Variants in AP2A2 observed in about 807,000 individuals in gnomAD.
The protein encoded by AP2A2 is adaptor related protein complex 2 subunit alpha 2, also known as AP-2 complex subunit alpha-2.
In AP2A2, 32 loss-of-function variants were observed where a neutral mutation model predicts 104.2. That is an observed-to-expected ratio of 0.31 (90% confidence interval 0.23 to 0.41). The LOEUF (loss-of-function observed/expected upper bound fraction) is 0.41, where lower values mean the gene tolerates loss of function less well. Ranked by LOEUF, AP2A2 falls within the 10% of genes least tolerant of loss-of-function variation. The pLI is 1.00. For missense variants in AP2A2, 912 were observed against 1,261.0 expected, an observed-to-expected ratio of 0.72 and a Z score of 4.19; for synonymous variants, 539 against 533.3, an observed-to-expected ratio of 1.01 and a Z score of -0.15.
intron 6 of AP2A2, among the ~76,000 whole-genome samples, chr11:983,368 TATTA>T (rs1447651521): frequency 4.3e-5 from 3 of 69,380 alleles, no homozygotes; most frequent in African/African-American, 1.7e-4. Context: ...AGTCTCTTTT[TATTA>T]TTTATTTATT....
chr11:972,424 G>GT (rs1170605092), intron 4 of AP2A2, among the ~76,000 whole-genome samples, 169 bp downstream of exon 4: 2 of 152,254 alleles, frequency 1.3e-5, no homozygotes, highest in African/African-American at 4.8e-5. Context: ...GCCGGGCACG[G>GT]TGGCTCACGC....
rs1027109047 is a variant in AP2A2, at chr11:974,274, G to A, written c.473+2019G>A. 4.7e-5 allele frequency among the ~76,000 whole-genome samples: 7 copies of A among 150,510 alleles called. No homozygotes were observed. The South Asian group carries it at 1.4e-3, about 31-fold the overall frequency. ...GGTGCCTGAGTGGTCCCATGGGGAT[G>A]AAGGTCACAGGCAGGGTTCTCCTAC... On this transcript the variant is annotated intron_variant, in intron 4 of 21. Transcript: ENST00000448903.
At chr11:989,319 G>A (rs540424453) in intron 10 of AP2A2, among the ~76,000 whole-genome samples, 1 of 151,798 alleles carries the variant, frequency 6.6e-6, no homozygotes, top group African/African-American at 2.4e-5. Flanking sequence ...AGCAACAAGA[G>A]CGAAACTCTG....
At chr11:1,007,853 A>G (rs1402687700) in intron 17 of AP2A2, 159 bp from the exon 18 acceptor site, 2 of 953,626 alleles carry the variant, frequency 2.1e-6, no homozygotes, top group Non-Finnish European at 3.2e-6. Context: ...TCTGGGTGGA[A>G]GGGCAGGGCC....
intron 1 of AP2A2, among the ~76,000 whole-genome samples, chr11:934,937 C>T (rs1853403405): frequency 6.6e-6 from 1 of 151,938 alleles, no homozygotes; most frequent in Admixed American, 6.6e-5. Context: ...TGGTTAACCG[C>T]AGCCTCTGTC....
intron 10 of AP2A2, among the ~76,000 whole-genome samples, chr11:991,783 G>A (rs1435097675): frequency 6.6e-6 from 1 of 151,962 alleles, no homozygotes; most frequent in African/African-American, 2.4e-5. Flanking sequence ...GTGGGGAGGG[G>A]CGGCAGGGTA....
intron 6 of AP2A2, among the ~76,000 whole-genome samples, chr11:983,514 C>G (rs1170389810): frequency 1.3e-5 from 2 of 152,080 alleles, no homozygotes; most frequent in East Asian, 1.9e-4. Flanking sequence ...TCTCGAGTAG[C>G]TGGGACTACA....
chr11:1,008,494 T>G, intron 18 of AP2A2: 1 of 233,914 alleles, frequency 4.3e-6, no homozygotes, highest in Non-Finnish European at 8.3e-6. Flanking sequence ...CTGGTTTCCT[T>G]CGGCCCCCTG....
chr11:992,393 T>C lies in AP2A2; in HGVS notation c.1270-110T>C. 1.7e-6 allele frequency: 2 copies of C among 1,154,102 alleles called. No homozygotes were observed. Among genetic ancestry groups the C allele is most frequent in the Non-Finnish European group, 2.5e-6 (2 of 795,170 alleles). The allele number at this position is 1,154,102 out of a possible 1,614,324, so 71.5% of individuals were successfully genotyped here. On this transcript the variant is annotated intron_variant, in intron 10 of 21. Transcript: ENST00000448903. This position sits in a 1 kb window ranked among gnomAD's most constrained non-coding sequence, Gnocchi z 6.4. ...GCTTCCTCCATGTCCCAAACTTTTG[T>C]AGACACATTGAGGTGCTTCTGAAAC... is the stretch of plus-strand genomic sequence containing the variant.
At chr11:970,933 C>T (rs1379369059) in intron 3 of AP2A2, among the ~76,000 whole-genome samples, 1 of 152,236 alleles carries the variant, frequency 6.6e-6, no homozygotes, top group African/African-American at 2.4e-5. Context: ...TCTTCTTGGG[C>T]TCTGCACGTT....
intron 1 of AP2A2, among the ~76,000 whole-genome samples, chr11:934,329 T>G (rs1260149186): frequency 6.6e-6 from 1 of 152,186 alleles, no homozygotes; most frequent in East Asian, 1.9e-4. Flanking sequence ...CTCACTATGT[T>G]GCCCAGGATG....
At chr11:934,900 C>T (rs995472481) in intron 1 of AP2A2, among the ~76,000 whole-genome samples, 3 of 151,688 alleles carry the variant, frequency 2.0e-5, no homozygotes, top group African/African-American at 7.3e-5. Context: ...ATTCTCTCAC[C>T]CAGGCTGGAG....
chr11:977,170 C>T lies in AP2A2; in HGVS notation c.549C>T (p.Val183=), dbSNP rs1462426401. The part of the protein sequence containing the change: ...LRLYRTSPDL[V]PMGDWTSRVV... ...TGTACAGGACGTCCCCCGATCTTGT[C>T]CCCATGGGCGACTGGACATCCCGAG... Residue 183 remains valine (V), a synonymous_variant, in exon 5 of 22, where the codon GTC becomes GTT. Transcript: ENST00000448903. 1 of 1,612,758 alleles carries T rather than the reference C, an allele frequency of 6.2e-7. No homozygotes were observed. The highest frequency in any genetic ancestry group is 1.7e-5 in the Admixed American group (1 of 59,930).
intron 4 of AP2A2, among the ~76,000 whole-genome samples, chr11:973,938 G>A (rs1179407919): frequency 1.3e-5 from 2 of 152,214 alleles, no homozygotes; most frequent in African/African-American, 2.4e-5. Context: ...ATGTCTGCGC[G>A]TGAGCGGAAT....
chr11:993,416 C>T lies in AP2A2; in HGVS notation c.1550+35C>T, dbSNP rs1392890368. 1.3e-6 allele frequency: 2 copies of T among 1,526,918 alleles called. No homozygotes were observed. The highest frequency in any genetic ancestry group is 2.8e-5 in the African/African-American group (2 of 71,822). 94.6% of individuals were successfully genotyped at this position (1,526,918 alleles called of 1,614,324 possible). ...CCTTTGCGAGTCGGGGCTGTGTGCG[C>T]TCCGGCGGGCCTCTCGGTGGTCGGT... On this transcript the variant is annotated intron_variant, in intron 12 of 21. Coordinates refer to ENST00000448903, the MANE Select transcript of AP2A2 (RefSeq NM_012305.4). The surrounding 1 kb of genome is among the most constrained non-coding windows in gnomAD (Gnocchi z 8.2).
intron 2 of AP2A2, among the ~76,000 whole-genome samples, chr11:960,434 C>T (rs1313385534): frequency 6.6e-6 from 1 of 151,302 alleles, no homozygotes; most frequent in East Asian, 2.0e-4. Context: ...GACGAGATTT[C>T]TCCATGTTGG....
At position 994,078 on chromosome 11, in the gene AP2A2, G is replaced by C; in HGVS notation, c.1789G>C (p.Val597Leu). Residue 597 changes from valine (V) to leucine (L), a missense_variant, in exon 14 of 22, where the codon GTG becomes CTG. By Grantham distance (32) the Val-to-Leu change is conservative (BLOSUM62 1). Around this residue, in one of 7 missense-constraint regions of AP2A2, gnomAD observed 137 missense variants for 186.9 expected, o/e 0.73. Coordinates refer to ENST00000448903, the MANE Select transcript of AP2A2 (RefSeq NM_012305.4). ...ACCCTGTGTTCTTTCCAAGGCGACCGTGCTGGAGGAGATGCCCCCATTCCC... is the reference window on the plus strand; with the variant it reads ...ACCCTGTGTTCTTTCCAAGGCGACCCTGCTGGAGGAGATGCCCCCATTCCC... ...TVASTDILAT[V>L]LEEMPPFPER... The C allele has an allele frequency of 1.2e-6, 2 of 1,612,818 alleles. No homozygotes were observed. The highest frequency in any genetic ancestry group is 1.7e-6 in the Non-Finnish European group (2 of 1,179,746).
At chr11:942,890 C>T (rs1853703276) in intron 1 of AP2A2, among the ~76,000 whole-genome samples, 1 of 152,048 alleles carries the variant, frequency 6.6e-6, no homozygotes, top group Non-Finnish European at 1.5e-5. Context: ...GGGAGAAGGG[C>T]TTGAGGTGGT....
At chr11:931,802 G>GT (rs138261185) in intron 1 of AP2A2, among the ~76,000 whole-genome samples, 6,071 of 125,128 alleles carry the variant, frequency 0.049, 310 homozygotes, top group African/African-American at 0.11. Flanking sequence ...TCCATTTCTT[G>GT]TTTTTTTTTT....
Sources: gnomAD v4.1 joint callset for allele counts (sites outside exome capture counted in the v4.1 genomes callset) on GRCh38, gnomAD v4.1.1 for gene constraint, gnomAD v4.1.1 regional missense constraint, Gnocchi (gnomAD v3.1) non-coding constraint, MANE v1.5 for transcripts, NCBI Gene and HGNC (gene_info 2026-07-23, HGNC 2026-07-21) for gene names.